Variants in PRKCE observed in about 807,000 individuals in gnomAD.
The protein encoded by PRKCE is protein kinase C epsilon, also known as protein kinase C epsilon type.
In PRKCE, 16 loss-of-function variants were observed where a neutral mutation model predicts 85.4. That is an observed-to-expected ratio of 0.19 (90% CI 0.13 to 0.28). The LOEUF (loss-of-function observed/expected upper bound fraction) is 0.28, where lower values mean the gene tolerates loss of function less well. PRKCE is among the 10% of genes least tolerant of loss of function. PRKCE has a pLI of 1.00. For synonymous variants in PRKCE, 388 were observed against 371.5 expected, an observed-to-expected ratio of 1.04 and a Z score of -0.51; for missense variants, 573 against 975.2, an observed-to-expected ratio of 0.59 and a Z score of 5.49.
At chr2:45,793,547 T>C (rs1217497719) in intron 1 of PRKCE, among the ~76,000 whole-genome samples, 1 of 152,208 alleles carries the variant, frequency 6.6e-6, no homozygotes, top group African/African-American at 2.4e-5. Flanking sequence ...TGGTAAAGTA[T>C]GTGTCCAAAA....
intron 12 of PRKCE, among the ~76,000 whole-genome samples, chr2:46,149,437 C>A (rs1676388129): frequency 6.6e-6 from 1 of 152,066 alleles, no homozygotes; most frequent in South Asian, 2.1e-4. Flanking sequence ...CCTCCTGTTT[C>A]TGGGCAGAGC....
chr2:46,099,003 C>T (rs1670964184), intron 11 of PRKCE, among the ~76,000 whole-genome samples: 1 of 152,058 alleles, frequency 6.6e-6, no homozygotes, highest in Non-Finnish European at 1.5e-5. Context: ...GGCTTTGCTT[C>T]CCTCTGGTCA....
Position 45,652,026 on chromosome 2 carries a change from T to G in PRKCE, c.-75T>G, listed in dbSNP as rs2103663072. The G allele has an allele frequency of 2.5e-6, 3 of 1,178,710 alleles. No individual in the cohort carries two copies. Among genetic ancestry groups the G allele is most frequent in the East Asian group, 2.4e-5 (1 of 41,376 alleles). 73.0% of individuals were successfully genotyped at this position (1,178,710 alleles called of 1,614,324 possible). A position where few individuals can be genotyped will look rare whatever the true frequency, so the allele number is the denominator to read the frequency against. ...ACCCAAGAGTCCCTGTGGCTCGGAG[T>G]GCCGGGCCGTCGGTTCTTCATTCCT... On this transcript the variant is annotated 5_prime_UTR_variant, in exon 1 of 15. Coordinates refer to ENST00000306156, the MANE Select transcript of PRKCE (RefSeq NM_005400.3). This position sits in a 1 kb window ranked among gnomAD's most constrained non-coding sequence, Gnocchi z 7.7.
intron 13 of PRKCE, among the ~76,000 whole-genome samples, chr2:46,156,101 T>A (rs952004959): frequency 6.8e-6 from 1 of 147,738 alleles, no homozygotes; most frequent in African/African-American, 2.5e-5. Context: ...ATTTCGCGCC[T>A]CATCCCCTAC....
chr2:45,820,717 C>G (rs1462625988), intron 1 of PRKCE, among the ~76,000 whole-genome samples: 3 of 152,146 alleles, frequency 2.0e-5, no homozygotes, highest in Non-Finnish European at 4.4e-5. Context: ...GCTTCTCTGT[C>G]TTCATTTGTT....
chr2:45,781,327 A>C (rs1327329624), intron 1 of PRKCE, among the ~76,000 whole-genome samples: 1 of 152,116 alleles, frequency 6.6e-6, no homozygotes, highest in Non-Finnish European at 1.5e-5. Context: ...ACAGAGCATG[A>C]CCCTGTCTCA....
intron 1 of PRKCE, among the ~76,000 whole-genome samples, chr2:45,733,551 C>T (rs937803930): frequency 7.9e-5 from 12 of 152,112 alleles, no homozygotes; most frequent in African/African-American, 1.7e-4. Context: ...TGGGGAGGTG[C>T]GGAGTGGCCA....
At chr2:45,968,593 C>G (rs143372997) in intron 2 of PRKCE, among the ~76,000 whole-genome samples, 19 of 152,262 alleles carry the variant, frequency 1.2e-4, no homozygotes, top group African/African-American at 4.6e-4. Flanking sequence ...TTCATCTGTG[C>G]AACCAAAAAC....
At chr2:45,708,853 G>A (rs1679353140) in intron 1 of PRKCE, among the ~76,000 whole-genome samples, 1 of 152,184 alleles carries the variant, frequency 6.6e-6, no homozygotes, top group Admixed American at 6.5e-5. Context: ...TAGTGGTCTT[G>A]GGGGCCATGT....
At chr2:45,740,721 A>G (rs1220386083) in intron 1 of PRKCE, among the ~76,000 whole-genome samples, 1 of 151,888 alleles carries the variant, frequency 6.6e-6, no homozygotes, top group South Asian at 2.1e-4. Context: ...TTTTTCATTC[A>G]TGTCTGGTTA....
chr2:46,010,553 G>T, intron 10 of PRKCE, 36 bp downstream of exon 10: 1 of 1,597,980 alleles, frequency 6.3e-7, no homozygotes. Flanking sequence ...TGCCATGTTG[G>T]GGCATCTTGA....
chr2:46,165,163 C>G (rs1260008968), intron 14 of PRKCE, among the ~76,000 whole-genome samples: 1 of 152,300 alleles, frequency 6.6e-6, no homozygotes, highest in Middle Eastern at 3.4e-3. Flanking sequence ...TGTACTAACC[C>G]CCACCCAGTG....
intron 14 of PRKCE, among the ~76,000 whole-genome samples, chr2:46,175,366 A>G (rs1265890693): frequency 6.6e-6 from 1 of 152,224 alleles, no homozygotes; most frequent in Non-Finnish European, 1.5e-5. Context: ...CTCCTGGATC[A>G]TCCCAAAGAC....
chr2:46,135,021 A>G (rs941625302), intron 11 of PRKCE, among the ~76,000 whole-genome samples: 2 of 152,228 alleles, frequency 1.3e-5, no homozygotes, highest in African/African-American at 4.8e-5. Context: ...ATGCCCAGGT[A>G]CAGCCACAGG....
At chr2:45,940,883 A>G (rs549686671) in intron 2 of PRKCE, among the ~76,000 whole-genome samples, 7 of 141,086 alleles carry the variant, frequency 5.0e-5, no homozygotes, top group African/African-American at 1.9e-4. Context: ...ACATGGTGAA[A>G]CCCCATCTCT....
intron 11 of PRKCE, among the ~76,000 whole-genome samples, chr2:46,126,398 A>G (rs1465496046): frequency 1.3e-5 from 2 of 152,096 alleles, no homozygotes; most frequent in Non-Finnish European, 2.9e-5. Context: ...CAGAGGAGGT[A>G]TAGTGCCTTG....
At chr2:45,828,906 A>G (rs1690176019) in intron 1 of PRKCE, among the ~76,000 whole-genome samples, 3 of 152,146 alleles carry the variant, frequency 2.0e-5, no homozygotes, top group Admixed American at 2.0e-4. Flanking sequence ...TACCTACCAC[A>G]TACTTATTTT....
At chr2:45,979,698 G>T (rs1162136008) in intron 4 of PRKCE, among the ~76,000 whole-genome samples, 1 of 152,156 alleles carries the variant, frequency 6.6e-6, no homozygotes, top group Non-Finnish European at 1.5e-5. Flanking sequence ...GGAAGTTGCT[G>T]TTCCTTGGGG....
intron 10 of PRKCE, among the ~76,000 whole-genome samples, chr2:46,013,428 AG>A (rs1167317635): frequency 6.6e-6 from 1 of 152,208 alleles, no homozygotes; most frequent in Non-Finnish European, 1.5e-5. Context: ...ATTCAAACCA[AG>A]AAGACTCAGG....
Sources: gnomAD v4.1 joint callset for allele counts (sites outside exome capture counted in the v4.1 genomes callset) on GRCh38, gnomAD v4.1.1 for gene constraint, Gnocchi (gnomAD v3.1) non-coding constraint, MANE v1.5 for transcripts, NCBI Gene and HGNC (gene_info 2026-07-23, HGNC 2026-07-21) for gene names.